Variants in MSRB3 observed in about 807,000 individuals in gnomAD.
MSRB3 encodes methionine sulfoxide reductase B3, also known as methionine-R-sulfoxide reductase B3.
A neutral mutation model predicts 21.0 loss-of-function variants in MSRB3; 13 were observed. That is an observed-to-expected ratio of 0.62 (90% confidence interval 0.40 to 0.98). The LOEUF is 0.98. MSRB3 is among the 50% of genes least tolerant of loss of function. The probability of loss-of-function intolerance (pLI) is 0.00; values close to 1 mark genes in which losing one functional copy is unlikely to be tolerated. For missense variants in MSRB3, 199 were observed against 230.3 expected (o/e 0.86, Z 0.88); for synonymous variants, 87 against 88.6 (o/e 0.98, Z 0.10).
chr12:65,376,118 AT>A (rs58214332), intron 5 of MSRB3, among the ~76,000 whole-genome samples: 165 of 131,916 alleles, frequency 1.3e-3, no homozygotes, highest in Middle Eastern at 4.0e-3. Flanking sequence ...TGAGTTTGTA[AT>A]TTTTTTTTTT....
intron 2 of MSRB3, among the ~76,000 whole-genome samples, chr12:65,319,687 A>T (rs1420673731): frequency 6.6e-6 from 1 of 152,210 alleles, no homozygotes; most frequent in Non-Finnish European, 1.5e-5. Context: ...TTTAATAAAT[A>T]GTTGTAGAAA....
At chr12:65,395,560 C>T (rs1879734411) in intron 5 of MSRB3, among the ~76,000 whole-genome samples, 1 of 151,852 alleles carries the variant, frequency 6.6e-6, no homozygotes, top group African/African-American at 2.4e-5. Context: ...AATTGTATTT[C>T]TGGAAGAGAT....
intron 4 of MSRB3, among the ~76,000 whole-genome samples, chr12:65,345,356 G>C (rs538948501): frequency 6.6e-6 from 1 of 151,988 alleles, no homozygotes; most frequent in Non-Finnish European, 1.5e-5. Flanking sequence ...ATAAAAGATG[G>C]CTCATTGGGA....
intron 5 of MSRB3, among the ~76,000 whole-genome samples, chr12:65,441,600 C>G (rs1303738018): frequency 6.6e-6 from 1 of 151,922 alleles, no homozygotes; most frequent in Admixed American, 6.6e-5. Flanking sequence ...AAACAATTAT[C>G]TTTCCCTTCC....
At chr12:65,348,460 A>G (rs1189965635) in intron 4 of MSRB3, among the ~76,000 whole-genome samples, 1 of 151,820 alleles carries the variant, frequency 6.6e-6, no homozygotes, top group Non-Finnish European at 1.5e-5. Flanking sequence ...TATTGCATCT[A>G]TTTGATTCTT....
intron 4 of MSRB3, among the ~76,000 whole-genome samples, chr12:65,345,155 G>A (rs1197955640): frequency 2.6e-5 from 4 of 152,030 alleles, no homozygotes; most frequent in African/African-American, 7.2e-5. Context: ...TGGAAAGGAA[G>A]ATGATGAATT....
chr12:65,346,182 C>G (rs1379957874), intron 4 of MSRB3, among the ~76,000 whole-genome samples: 1 of 152,146 alleles, frequency 6.6e-6, no homozygotes, highest in Non-Finnish European at 1.5e-5. Context: ...AATGGTTGAA[C>G]TAGTTTACAG....
At chr12:65,348,533 A>G (rs1876692466) in intron 4 of MSRB3, among the ~76,000 whole-genome samples, 2 of 152,022 alleles carry the variant, frequency 1.3e-5, no homozygotes, top group African/African-American at 2.4e-5. Context: ...TTTTCAAAAA[A>G]CCAGCTCCTG....
Position 65,311,452 on chromosome 12 carries a change from TATC to T in MSRB3, c.76+2805_76+2807del, listed in dbSNP as rs199553671. Among the ~76,000 whole-genome samples the T allele has an allele frequency of 8.2e-3, 1,245 of 152,228 alleles. 17 individuals are homozygous for T. Among genetic ancestry groups the T allele is most frequent in the African/African-American group, 0.029 (1,199 of 41,552 alleles). ...TATAACTTGGATTTAGCAAAATCTG[TATC>T]ATCATCAATTTCTCTAACAGGATTT... On this transcript the variant is annotated intron_variant, in intron 2 of 6. Coordinates refer to ENST00000308259, the MANE Select transcript of MSRB3 (RefSeq NM_001031679.3).
intron 5 of MSRB3, among the ~76,000 whole-genome samples, chr12:65,432,077 C>T (rs1881902360): frequency 6.6e-6 from 1 of 151,954 alleles, no homozygotes; most frequent in Non-Finnish European, 1.5e-5. Flanking sequence ...TGTATTATGG[C>T]TCCTTCAACA....
chr12:65,457,475 G>A (rs1883143369), intron 6 of MSRB3, among the ~76,000 whole-genome samples: 1 of 152,020 alleles, frequency 6.6e-6, no homozygotes, highest in Non-Finnish European at 1.5e-5. Flanking sequence ...GTGGTGTTTG[G>A]TTTTCTGTTC....
Position 65,282,513 on chromosome 12 carries a change from A to G in MSRB3, c.-52+3648A>G, listed in dbSNP as rs12316038. 8.2e-3 allele frequency among the ~76,000 whole-genome samples: 1,251 copies of G among 152,306 alleles called. 18 individuals are homozygous for G. Among genetic ancestry groups the G allele is most frequent in the African/African-American group, 0.029 (1,205 of 41,568 alleles). Reference sequence around the variant, plus strand: ...GCCTCATTTAAGCTTCTATTGCAGTAACAGAAATGAACTAGTTTTAGCAAA... The same window carrying G: ...GCCTCATTTAAGCTTCTATTGCAGTGACAGAAATGAACTAGTTTTAGCAAA... On this transcript the variant is annotated intron_variant, in intron 1 of 6. Transcript: ENST00000308259.
chr12:65,354,416 T>C (rs1877251330), intron 4 of MSRB3, among the ~76,000 whole-genome samples: 1 of 151,944 alleles, frequency 6.6e-6, no homozygotes, highest in African/African-American at 2.4e-5. Context: ...GGAGGCTTTG[T>C]TCGTTTCTTT....
chr12:65,287,341 A>G (rs1872425201), intron 1 of MSRB3, among the ~76,000 whole-genome samples: 1 of 152,000 alleles, frequency 6.6e-6, no homozygotes, highest in Non-Finnish European at 1.5e-5. Context: ...TTTCCCAGGT[A>G]GGTCTTGAAC....
chr12:65,399,784 C>T (rs1880018874), intron 5 of MSRB3, among the ~76,000 whole-genome samples: 1 of 152,032 alleles, frequency 6.6e-6, no homozygotes, highest in Non-Finnish European at 1.5e-5. Flanking sequence ...CTGTGAATAC[C>T]TAGTTTATTG....
intron 4 of MSRB3, among the ~76,000 whole-genome samples, chr12:65,354,176 A>G (rs987481626): frequency 6.6e-6 from 1 of 151,776 alleles, no homozygotes. Context: ...CTTCATTTCA[A>G]CTTTGGTGAA....
At chr12:65,415,530 C>A (rs1308405701) in intron 5 of MSRB3, among the ~76,000 whole-genome samples, 2 of 151,826 alleles carry the variant, frequency 1.3e-5, no homozygotes, top group Non-Finnish European at 1.5e-5. Context: ...CTGTGTAGGT[C>A]CTGAGGCACA....
chr12:65,463,005 G>A (rs183233075), intron 6 of MSRB3, 150 bp from the exon 7 acceptor site: 1 of 927,114 alleles, frequency 1.1e-6, no homozygotes, highest in East Asian at 2.5e-5. Flanking sequence ...AACCATCTTT[G>A]CGGCTATTGA....
intron 2 of MSRB3, among the ~76,000 whole-genome samples, chr12:65,309,798 A>G (rs967161932): frequency 1.3e-5 from 2 of 152,174 alleles, no homozygotes; most frequent in African/African-American, 4.8e-5. Context: ...AGCATGGGAA[A>G]ACATGAAGGC....
Sources: gnomAD v4.1 joint callset for allele counts (sites outside exome capture counted in the v4.1 genomes callset) on GRCh38, gnomAD v4.1.1 for gene constraint, MANE v1.5 for transcripts, NCBI Gene and HGNC (gene_info 2026-07-23, HGNC 2026-07-21) for gene names.